SND1: variants seen among roughly 807,000 people sequenced by gnomAD.
The protein encoded by SND1 is staphylococcal nuclease domain-containing protein 1.
SND1 carries 38 observed loss-of-function variants against 121.7 expected under a neutral mutation model. The observed-to-expected ratio is 0.31, with a 90% CI of 0.24 to 0.41. The LOEUF is 0.41. Among genes scored for constraint, SND1 ranks in the 10% least tolerant of loss-of-function variants. The pLI, the probability that SND1 is intolerant of heterozygous loss-of-function variation, is 1.00. For synonymous variants in SND1, 401 were observed against 447.4 expected (o/e 0.90, Z 1.31); for missense variants, 868 against 1,184.6 (o/e 0.73, Z 3.92).
chr7:127,762,113 G>A (rs1385238979), intron 10 of SND1, among the ~76,000 whole-genome samples: 1 of 152,106 alleles, frequency 6.6e-6, no homozygotes, highest in Non-Finnish European at 1.5e-5. Flanking sequence ...TGAAAACATG[G>A]CCACACCGAG....
At chr7:127,676,648 A>T (rs1795621461) in intron 1 of SND1, among the ~76,000 whole-genome samples, 1 of 152,226 alleles carries the variant, frequency 6.6e-6, no homozygotes. Flanking sequence ...TGGGTATCTT[A>T]ACTGATAAAT....
At chr7:127,821,093 C>T (rs546271340) in intron 11 of SND1, among the ~76,000 whole-genome samples, 3 of 152,302 alleles carry the variant, frequency 2.0e-5, no homozygotes, top group Non-Finnish European at 2.9e-5. Context: ...TTGTGTAGTA[C>T]ATTTAGAACT....
intron 15 of SND1, among the ~76,000 whole-genome samples, chr7:127,946,837 T>C (rs1003327690): frequency 6.6e-6 from 1 of 152,234 alleles, no homozygotes; most frequent in Non-Finnish European, 1.5e-5. Context: ...GTTGCAAGAA[T>C]ACAAGTACAA....
At chr7:127,846,049 G>A (rs1799055899) in intron 12 of SND1, among the ~76,000 whole-genome samples, 1 of 152,184 alleles carries the variant, frequency 6.6e-6, no homozygotes, top group South Asian at 2.1e-4. Context: ...CAAATGTGGG[G>A]TAGCTGTCTG....
At chr7:127,798,040 T>TTAGAC (rs746223214) in intron 10 of SND1, among the ~76,000 whole-genome samples, 24 of 152,236 alleles carry the variant, frequency 1.6e-4, no homozygotes, top group Non-Finnish European at 2.6e-4. Context: ...AGAACACTCT[T>TTAGAC]TAGACGCAGA....
chr7:127,702,008 T>C (rs1374114548), intron 5 of SND1, among the ~76,000 whole-genome samples: 4 of 152,236 alleles, frequency 2.6e-5, no homozygotes, highest in Non-Finnish European at 4.4e-5. Flanking sequence ...CCTATGGATA[T>C]AGAGGGCTGA....
At chr7:127,672,640 T>G (rs917944974) in intron 1 of SND1, among the ~76,000 whole-genome samples, 8 of 151,784 alleles carry the variant, frequency 5.3e-5, no homozygotes, top group Non-Finnish European at 1.2e-4. Flanking sequence ...AAAAAGAAAT[T>G]AACATGGATA....
At chr7:127,976,226 C>T (rs921741597) in intron 15 of SND1, among the ~76,000 whole-genome samples, 1 of 152,262 alleles carries the variant, frequency 6.6e-6, no homozygotes, top group African/African-American at 2.4e-5. Context: ...CACTCCCTCC[C>T]CTGCCCCACC....
intron 13 of SND1, among the ~76,000 whole-genome samples, chr7:127,901,124 C>A (rs1295386472): frequency 1.3e-5 from 2 of 152,166 alleles, no homozygotes; most frequent in Admixed American, 1.3e-4. Flanking sequence ...TGCCTACCTT[C>A]CCATGTCTCA....
intron 15 of SND1, among the ~76,000 whole-genome samples, chr7:127,952,981 A>G (rs1563068812): frequency 6.6e-6 from 1 of 151,990 alleles, no homozygotes; most frequent in East Asian, 1.9e-4. Flanking sequence ...CTGGCCATAT[A>G]GTGAGACCCC....
intron 10 of SND1, 78 bp from the exon 11 acceptor site, chr7:127,807,406 C>A: frequency 9.1e-7 from 1 of 1,094,832 alleles, no homozygotes; most frequent in Non-Finnish European, 1.4e-6. Flanking sequence ...ATTTCAGACA[C>A]ATTCCTATAT....
chr7:127,838,783 G>A (rs1231803925), intron 11 of SND1, among the ~76,000 whole-genome samples: 1 of 152,128 alleles, frequency 6.6e-6, no homozygotes, highest in Non-Finnish European at 1.5e-5. Context: ...AAATCAACAT[G>A]TATCTGATTT....
chr7:127,689,117 C>T (rs960218039), intron 2 of SND1, among the ~76,000 whole-genome samples: 9 of 152,138 alleles, frequency 5.9e-5, no homozygotes, highest in African/African-American at 1.9e-4. Flanking sequence ...TTAGCATATA[C>T]CTCAGGGTCG....
intron 2 of SND1, among the ~76,000 whole-genome samples, chr7:127,687,813 G>A (rs1002936009): frequency 9.2e-5 from 14 of 152,120 alleles, no homozygotes; most frequent in Non-Finnish European, 1.9e-4. Context: ...CCTCCTGGGA[G>A]TAGCTGGAAC....
chr7:127,920,905 A>G (rs973332722), intron 14 of SND1, among the ~76,000 whole-genome samples: 2 of 150,864 alleles, frequency 1.3e-5, no homozygotes, highest in African/African-American at 2.4e-5. Flanking sequence ...AGGGCATTGT[A>G]TTTTCTGTCG....
chr7:128,033,195 C>T (rs929713682), intron 16 of SND1, among the ~76,000 whole-genome samples: 5 of 152,328 alleles, frequency 3.3e-5, no homozygotes, highest in African/African-American at 1.2e-4. Flanking sequence ...GGAATTCTTG[C>T]TCCTATTTCT....
intron 16 of SND1, chr7:128,030,502 G>A (rs1792551880): frequency 2.5e-6 from 4 of 1,613,468 alleles, no homozygotes; most frequent in African/African-American, 1.3e-5. Flanking sequence ...CAGACGGAGG[G>A]GCAGTTCTGG....
chr7:127,854,728 G>A (rs914900046), intron 12 of SND1, among the ~76,000 whole-genome samples: 3 of 151,834 alleles, frequency 2.0e-5, no homozygotes, highest in African/African-American at 2.4e-5. Flanking sequence ...CAAAACTTAT[G>A]GGTCTTTTCT....
At chr7:127,721,203 A>C in intron 9 of SND1, 84 bp from the exon 10 acceptor site, 1 of 814,656 alleles carries the variant, frequency 1.2e-6, no homozygotes, top group Non-Finnish European at 2.1e-6. Context: ...CTCACTTTCT[A>C]CCTGTGAGGG....
Sources: allele counts gnomAD v4.1 joint callset (sites outside exome capture counted in the v4.1 genomes callset), GRCh38; gene constraint gnomAD v4.1.1; transcripts MANE v1.5; gene names NCBI Gene and HGNC (gene_info 2026-07-23, HGNC 2026-07-21).